Variants in PUM2 observed in about 807,000 individuals in gnomAD.
PUM2 encodes pumilio homolog 2.
PUM2 carries 57 observed loss-of-function variants against 124.5 expected under a neutral mutation model. The observed-to-expected ratio is 0.46, with a 90% CI of 0.37 to 0.57. The LOEUF is 0.57. Among genes scored for constraint, PUM2 ranks in the 20% least tolerant of loss-of-function variants. The pLI is 0.00. For synonymous variants in PUM2, 460 were observed against 446.1 expected, an observed-to-expected ratio of 1.03 and a Z score of -0.39; for missense variants, 1,065 against 1,290.6, an observed-to-expected ratio of 0.83 and a Z score of 2.68.
intron 10 of PUM2, among the ~76,000 whole-genome samples, chr2:20,289,238 A>G (rs1673442534): frequency 2.6e-5 from 4 of 152,214 alleles, no homozygotes; most frequent in Non-Finnish European, 5.9e-5. Context: ...GGACACAGCA[A>G]ACACATGCAG....
chr2:20,346,798 A>C (rs1688329698), intron 1 of PUM2, among the ~76,000 whole-genome samples: 1 of 152,100 alleles, frequency 6.6e-6, no homozygotes, highest in African/African-American at 2.4e-5. Context: ...GGCAGTACTG[A>C]CTAAGTGGTT....
intron 13 of PUM2, among the ~76,000 whole-genome samples, chr2:20,272,582 G>A (rs1669298843): frequency 6.6e-6 from 1 of 152,184 alleles, no homozygotes; most frequent in Non-Finnish European, 1.5e-5. Flanking sequence ...AGCTTTCTAA[G>A]TTCTGGTATC....
At chr2:20,272,332 G>C (rs1187529594) in intron 13 of PUM2, among the ~76,000 whole-genome samples, 1 of 152,134 alleles carries the variant, frequency 6.6e-6, no homozygotes, top group African/African-American at 2.4e-5. Context: ...TGAGAATAAA[G>C]CGTGTTTGTG....
chr2:20,289,583 T>C (rs531524313), intron 10 of PUM2, among the ~76,000 whole-genome samples: 1 of 152,320 alleles, frequency 6.6e-6, no homozygotes, highest in Non-Finnish European at 1.5e-5. Context: ...CACTCTACTA[T>C]CATTTCTACT....
At chr2:20,275,665 T>C (rs1341459164) in intron 13 of PUM2, among the ~76,000 whole-genome samples, 1 of 151,992 alleles carries the variant, frequency 6.6e-6, no homozygotes, top group Admixed American at 6.6e-5. Flanking sequence ...GTTGTCAAAA[T>C]AAACCAACCA....
intron 3 of PUM2, among the ~76,000 whole-genome samples, chr2:20,315,572 T>C (rs1022476781): frequency 1.3e-5 from 2 of 152,168 alleles, no homozygotes; most frequent in South Asian, 4.1e-4. Context: ...AAAAATTGAC[T>C]GAAATAATAA....
intron 12 of PUM2, among the ~76,000 whole-genome samples, chr2:20,281,307 C>T (rs1261799123): frequency 6.6e-6 from 1 of 152,086 alleles, no homozygotes; most frequent in East Asian, 1.9e-4. Context: ...AACAGGGCAT[C>T]TGTAGTGGAC....
chr2:20,297,416 AC>A, intron 8 of PUM2, 136 bp downstream of exon 8: 1 of 817,970 alleles, frequency 1.2e-6, no homozygotes, highest in Middle Eastern at 4.1e-4. Flanking sequence ...CTTCCTGGAA[AC>A]TTTAGTTCAT....
At chr2:20,316,100 A>G (rs1210411745) in intron 3 of PUM2, among the ~76,000 whole-genome samples, 1 of 152,140 alleles carries the variant, frequency 6.6e-6, no homozygotes, top group Admixed American at 6.5e-5. Context: ...TTCCTTGAGG[A>G]CAAGGGTCAT....
chr2:20,325,685 A>C lies in PUM2; in HGVS notation c.51+1625T>G, dbSNP rs547517863. Reference sequence around the variant, plus strand: ...CCCCCAGGCCAGAGAGCAGTGGTGCAATCTCGGCTCACTGCAAGCTCCGCC... The same window carrying C: ...CCCCCAGGCCAGAGAGCAGTGGTGCCATCTCGGCTCACTGCAAGCTCCGCC... On this transcript the variant is annotated intron_variant, in intron 2 of 20. Coordinates refer to ENST00000361078, the MANE Select transcript of PUM2 (RefSeq NM_015317.5). Among the ~76,000 whole-genome samples, 3 of 150,944 alleles carry C rather than the reference A, an allele frequency of 2.0e-5. No individual in the cohort carries two copies. In the South Asian group the frequency reaches 6.3e-4, roughly 32 times the overall value.
intron 5 of PUM2, among the ~76,000 whole-genome samples, chr2:20,311,093 C>G (rs917805490): frequency 6.6e-6 from 1 of 151,472 alleles, no homozygotes; most frequent in Non-Finnish European, 1.5e-5. Flanking sequence ...GGAGGCAGGG[C>G]ATATATACTC....
intron 1 of PUM2, chr2:20,350,250 T>A (rs1415160875): frequency 6.2e-6 from 1 of 161,788 alleles, no homozygotes; most frequent in East Asian, 1.9e-4. Context: ...TCTCCCCTCT[T>A]TCCGAACCCT....
At chr2:20,284,518 G>A (rs1021158131) in intron 10 of PUM2, among the ~76,000 whole-genome samples, 4 of 151,210 alleles carry the variant, frequency 2.6e-5, no homozygotes, top group African/African-American at 9.7e-5. Context: ...ACCAGGTCCG[G>A]ATAATTTATT....
chr2:20,254,036 CA>C, intron 19 of PUM2, 22 bp from the exon 20 acceptor site: 1 of 1,580,564 alleles, frequency 6.3e-7, no homozygotes, highest in Non-Finnish European at 8.6e-7. Context: ...AGCAGATAAA[CA>C]AAGATTTGTT....
chr2:20,257,908 T>G (rs1449560721), intron 16 of PUM2, among the ~76,000 whole-genome samples: 1 of 152,208 alleles, frequency 6.6e-6, no homozygotes, highest in Non-Finnish European at 1.5e-5. Flanking sequence ...ATTTTCTTCT[T>G]ATAATAGAAA....
chr2:20,303,698 T>C (rs1284596756), intron 7 of PUM2, among the ~76,000 whole-genome samples: 1 of 152,186 alleles, frequency 6.6e-6, no homozygotes, highest in South Asian at 2.1e-4. Context: ...TTGATTACCA[T>C]AGGGAATTTC....
chr2:20,344,105 T>C (rs941723744), intron 1 of PUM2, among the ~76,000 whole-genome samples: 5 of 152,240 alleles, frequency 3.3e-5, no homozygotes, highest in Non-Finnish European at 7.3e-5. Context: ...CCTCACTCTG[T>C]TGCCCATGCT....
intron 14 of PUM2, among the ~76,000 whole-genome samples, chr2:20,261,737 A>G (rs1447728304): frequency 6.6e-6 from 1 of 152,194 alleles, no homozygotes; most frequent in Non-Finnish European, 1.5e-5. Context: ...GTTCTTAACA[A>G]AAAGTTTAAA....
chr2:20,270,975 C>T (rs1392223182), intron 13 of PUM2, among the ~76,000 whole-genome samples: 1 of 151,988 alleles, frequency 6.6e-6, no homozygotes, highest in Non-Finnish European at 1.5e-5. Flanking sequence ...TATGTTTCTA[C>T]AGAATAAGAT....
Sources: allele counts gnomAD v4.1 joint callset (sites outside exome capture counted in the v4.1 genomes callset), GRCh38; gene constraint gnomAD v4.1.1; transcripts MANE v1.5; gene names NCBI Gene and HGNC (gene_info 2026-07-23, HGNC 2026-07-21).